Variants in NCAN observed in about 807,000 individuals in gnomAD.
NCAN encodes neurocan core protein.
Under a neutral mutation model 121.8 loss-of-function variants are expected in NCAN, and 47 were observed. The ratio of observed to expected loss-of-function variants is 0.39; its 90% CI spans 0.31 to 0.49. The LOEUF (loss-of-function observed/expected upper bound fraction) is 0.49, where lower values mean the gene tolerates loss of function less well. Ranked by LOEUF, NCAN falls within the 20% of genes least tolerant of loss-of-function variation. The pLI, the probability that NCAN is intolerant of heterozygous loss-of-function variation, is 0.92. For synonymous variants in NCAN, 633 were observed against 702.0 expected (o/e 0.90, Z 1.55); for missense variants, 1,517 against 1,773.4 (o/e 0.86, Z 2.60).
intron 12 of NCAN, among the ~76,000 whole-genome samples, chr19:19,244,960 C>T (rs909704017): frequency 2.6e-5 from 4 of 152,072 alleles, no homozygotes; most frequent in Admixed American, 2.0e-4. Context: ...GATCCGCCCA[C>T]CTCGGCCTCC....
At chr19:19,230,204 C>G (rs1369993288) in intron 8 of NCAN, among the ~76,000 whole-genome samples, 6 of 151,894 alleles carry the variant, frequency 4.0e-5, no homozygotes, top group Non-Finnish European at 7.4e-5. Flanking sequence ...GCCACCACGC[C>G]TGGCTAATTT....
intron 8 of NCAN, among the ~76,000 whole-genome samples, chr19:19,229,741 A>G (rs1312007239): frequency 1.3e-5 from 2 of 152,146 alleles, no homozygotes; most frequent in South Asian, 2.1e-4. Flanking sequence ...GGTTCTGCCA[A>G]ATTAAGCTGA....
chr19:19,221,306 G>A (rs923914112), intron 3 of NCAN, among the ~76,000 whole-genome samples: 3 of 151,746 alleles, frequency 2.0e-5, no homozygotes, highest in African/African-American at 4.8e-5. Flanking sequence ...TTGGGAGGTC[G>A]AGACGGGTGG....
intron 4 of NCAN, 21 bp downstream of exon 4, chr19:19,224,216 A>T: frequency 6.3e-7 from 1 of 1,586,798 alleles, no homozygotes; most frequent in Non-Finnish European, 8.6e-7. Context: ...TACACAGGGC[A>T]GGGAGATGAA....
At chr19:19,216,896 G>A in intron 1 of NCAN, 51 bp from the exon 2 acceptor site, 1 of 1,110,750 alleles carries the variant, frequency 9.0e-7, no homozygotes, top group East Asian at 2.9e-5. Flanking sequence ...CTGAATATCT[G>A]GGAGGGTTGG....
intron 10 of NCAN, among the ~76,000 whole-genome samples, chr19:19,236,297 T>C (rs1341365034): frequency 1.3e-5 from 2 of 152,240 alleles, no homozygotes; most frequent in Non-Finnish European, 2.9e-5. Context: ...TCTGGCTTCT[T>C]TCACTTGGCA....
At position 19,238,533 on chromosome 19, in the gene NCAN, G is replaced by A. The variant is rs951691643; in HGVS notation, c.3409+122G>A. The A allele has an allele frequency of 7.5e-6, 9 of 1,198,926 alleles. No individual in the cohort carries two copies. The African/African-American group carries it at 9.0e-5, about 12-fold the overall frequency. The allele number at this position is 1,198,926 out of a possible 1,614,324, so 74.3% of individuals were successfully genotyped here. A position where few individuals can be genotyped will look rare whatever the true frequency, so the allele number is the denominator to read the frequency against. On this transcript the variant is annotated intron_variant, in intron 11 of 14. Transcript: ENST00000252575. ...CAAGACGTCATCTTTCCAAAGCTGT[G>A]TTCATTAACGCAAGCCCTGACTGCT...
chr19:19,244,432 C>T (rs1411711447), intron 12 of NCAN, among the ~76,000 whole-genome samples: 7 of 150,910 alleles, frequency 4.6e-5, no homozygotes, highest in East Asian at 2.0e-4. Context: ...TTCAGCATCC[C>T]GAGTATCTTG....
At chr19:19,243,949 C>T (rs182222299) in intron 12 of NCAN, among the ~76,000 whole-genome samples, 2 of 149,958 alleles carry the variant, frequency 1.3e-5, no homozygotes, top group Admixed American at 6.6e-5. Flanking sequence ...TTGCTTGAAC[C>T]GGGACCTGGG....
chr19:19,235,091 A>G lies in NCAN; in HGVS notation c.3245A>G (p.Glu1082Gly). 1 of 1,609,988 alleles carries G rather than the reference A, an allele frequency of 6.2e-7. No homozygotes were observed. The highest frequency in any genetic ancestry group is 8.5e-7 in the Non-Finnish European group (1 of 1,176,928). ...CCCAGCTATGGGGGCAGCTTTTGTG[A>G]GAAAGGTGAGTTTCTATTGCAACAC... The part of the protein sequence containing the change: ...CLPSYGGSFC[E>G]KDTEGCDRGW... Residue 1082 changes from glutamate to glycine, a missense_variant, in exon 10 of 15, where the codon GAG (glutamate) becomes GGG (glycine). Physicochemically the swap from Glu to Gly is moderately conservative, Grantham distance 98. Coordinates refer to ENST00000252575, the MANE Select transcript of NCAN (RefSeq NM_004386.3).
chr19:19,219,956 G>A (rs957745734), intron 3 of NCAN, among the ~76,000 whole-genome samples: 2 of 151,928 alleles, frequency 1.3e-5, no homozygotes, highest in Non-Finnish European at 2.9e-5. Context: ...GAACCCAGAA[G>A]GTGGAGGTTG....
Position 19,245,402 on chromosome 19 carries a change from C to T in NCAN, c.3582C>T (p.Arg1194=). 1 of 1,614,248 alleles carries T rather than the reference C, an allele frequency of 6.2e-7. No homozygotes were observed. The highest frequency in any genetic ancestry group is 8.5e-7 in the Non-Finnish European group (1 of 1,180,050). ...TGATGGTGGCGCATGAAAGCGGGCG[C>T]TGGAACGATGTCCCCTGCAACTACA... ...CVVMVAHESG[R]WNDVPCNYNL... Residue 1194 remains arginine (R), a synonymous_variant, in exon 13 of 15, where the codon CGC becomes CGT. Transcript: ENST00000252575.
chr19:19,233,221 A>T (rs941918463), intron 8 of NCAN, among the ~76,000 whole-genome samples: 1 of 152,132 alleles, frequency 6.6e-6, no homozygotes, highest in African/African-American at 2.4e-5. Context: ...GGCATGAGCC[A>T]TGGCACCTGG....
In NCAN at chr19:19,224,771, C is replaced by T. The variant is rs888580226; in HGVS notation, c.779-206C>T. ...CCGACTTGCCCATGGGCCTGAGTTACTCCATTTGTAAAAAGAGGCTTAGCT... is the reference window on the plus strand; with the variant it reads ...CCGACTTGCCCATGGGCCTGAGTTATTCCATTTGTAAAAAGAGGCTTAGCT... On this transcript the variant is annotated intron_variant, in intron 5 of 14. Coordinates refer to ENST00000252575, the MANE Select transcript of NCAN (RefSeq NM_004386.3). 8.5e-5 allele frequency among the ~76,000 whole-genome samples: 13 copies of T among 152,208 alleles called. No homozygotes were observed. The East Asian group carries it at 2.3e-3, about 27-fold the overall frequency.
chr19:19,218,591 G>A (rs2060804343), intron 2 of NCAN, among the ~76,000 whole-genome samples: 1 of 151,966 alleles, frequency 6.6e-6, no homozygotes, highest in Non-Finnish European at 1.5e-5. Context: ...TCCTGCCTCA[G>A]CCTCCTGAGT....
Position 19,226,927 on chromosome 19 carries a change from A to G in NCAN, c.1514A>G (p.Glu505Gly), listed in dbSNP as rs1336296864. Residue 505 changes from glutamate to glycine, a missense_variant, in exon 7 of 15, where the codon GAG becomes GGG. Glu to Gly is a moderately conservative substitution (Grantham distance 98). Transcript: ENST00000252575. ...GAGCCGGGGCTGCAAGGGGGGATGG[A>G]GGCCAGCGCCCAGCCCCCCACCTCA... is the stretch of plus-strand genomic sequence containing the variant. ...EPEPGLQGGM[E>G]ASAQPPTSEA... 6.3e-7 allele frequency: 1 copy of G among 1,592,012 alleles called. No individual in the cohort carries two copies.
At position 19,225,422 on chromosome 19, in the gene NCAN, G is replaced by A; in HGVS notation, c.1072+152G>A. ...GGTGAGGGCCACGCCCCCGGGTGAA[G>A]GCCACACCCGTTACGACAAGTCTTT... is the stretch of plus-strand genomic sequence containing the variant. On this transcript the variant is annotated intron_variant, in intron 6 of 14. Coordinates refer to ENST00000252575, the MANE Select transcript of NCAN (RefSeq NM_004386.3). This position sits in a 1 kb window ranked among gnomAD's most constrained non-coding sequence, Gnocchi z 4.0. 1 of 1,023,220 alleles carries A rather than the reference G, an allele frequency of 9.8e-7. No homozygotes were observed. The highest frequency in any genetic ancestry group is 1.3e-6 in the Non-Finnish European group (1 of 746,506). 63.4% of individuals were successfully genotyped at this position (1,023,220 alleles called of 1,614,324 possible).
intron 8 of NCAN, among the ~76,000 whole-genome samples, chr19:19,230,715 C>CTT (rs5827437): frequency 2.2e-3 from 280 of 127,700 alleles, no homozygotes; most frequent in African/African-American, 3.9e-3. Flanking sequence ...GGGGTGGGAT[C>CTT]TTTTTTTTTT....
chr19:19,228,226 T>C lies in NCAN; in HGVS notation c.2606T>C (p.Ile869Thr), dbSNP rs765794604. ...CCTCAGGTGGCCCTGGATACAAGCA[T>C]TGTGACGCCCCTCACGACCCTGGAG... Reference protein sequence around the residue: ...LSPQVALDTSIVTPLTTLEQG... With the variant: ...LSPQVALDTSTVTPLTTLEQG... The change falls in exon 8 of 15, where the codon ATT becomes ACT. Residue 869 changes from isoleucine to threonine, a missense_variant. By Grantham distance (89) the Ile-to-Thr change is moderately conservative. Transcript: ENST00000252575. 6.2e-7 allele frequency: 1 copy of C among 1,613,790 alleles called. No homozygotes were observed. Among genetic ancestry groups the C allele is most frequent in the Admixed American group, 1.7e-5 (1 of 60,000 alleles).
Sources: gnomAD v4.1 joint callset for allele counts (sites outside exome capture counted in the v4.1 genomes callset) on GRCh38, gnomAD v4.1.1 for gene constraint, Gnocchi (gnomAD v3.1) non-coding constraint, MANE v1.5 for transcripts, NCBI Gene and HGNC (gene_info 2026-07-23, HGNC 2026-07-21) for gene names.